POLQ: variants seen among roughly 807,000 people sequenced by gnomAD.
POLQ encodes the protein epididymis secretory sperm binding protein.
POLQ carries 233 observed loss-of-function variants against 259.2 expected under a neutral mutation model. That is an observed-to-expected ratio of 0.90 (90% CI 0.81 to 1.00). The LOEUF (loss-of-function observed/expected upper bound fraction) is 1.00. POLQ is among the 50% of genes least tolerant of loss of function. The pLI, the probability that POLQ is intolerant of heterozygous loss-of-function variation, is 0.00. For missense variants in POLQ, 2,871 were observed against 3,051.6 expected (o/e 0.94, Z 1.39); for synonymous variants, 1,025 against 1,048.8 (o/e 0.98, Z 0.44).
intron 15 of POLQ, among the ~76,000 whole-genome samples, chr3:121,491,765 T>C (rs774288358): frequency 2.6e-5 from 4 of 152,008 alleles, no homozygotes; most frequent in African/African-American, 4.8e-5. Context: ...AGATTCCAAG[T>C]GGCCAGTTAA....
chr3:121,444,072 T>C (rs2047614107), intron 26 of POLQ, among the ~76,000 whole-genome samples: 1 of 152,230 alleles, frequency 6.6e-6, no homozygotes, highest in East Asian at 1.9e-4. Flanking sequence ...ATTCTAGGTC[T>C]CTTGTGGTTC....
At chr3:121,532,116 T>C (rs1232241822) in intron 6 of POLQ, among the ~76,000 whole-genome samples, 1 of 152,194 alleles carries the variant, frequency 6.6e-6, no homozygotes, top group East Asian at 1.9e-4. Context: ...AGATAATTTT[T>C]AAAAATCATA....
Position 121,435,127 on chromosome 3 carries a change from G to A in POLQ, c.7543+995C>T, listed in dbSNP as rs530559143. ...TGCAGTGAGCTGAGATCGTGCCACTGCACTCCAGCCTGGGTGACAGAGTGA... is the reference window on the plus strand; with the variant it reads ...TGCAGTGAGCTGAGATCGTGCCACTACACTCCAGCCTGGGTGACAGAGTGA... On this transcript the variant is annotated intron_variant, in intron 28 of 29. Coordinates refer to ENST00000264233, the MANE Select transcript of POLQ (RefSeq NM_199420.4). Among the ~76,000 whole-genome samples the A allele has an allele frequency of 5.3e-5, 8 of 152,308 alleles. No individual in the cohort carries two copies. In the South Asian group the frequency reaches 6.2e-4, roughly 12 times the overall value.
At position 121,466,702 on chromosome 3, in the gene POLQ, A is replaced by G. The variant is rs1281633179; in HGVS notation, c.6967+817T>C. 2.0e-5 allele frequency among the ~76,000 whole-genome samples: 3 copies of G among 152,098 alleles called. No individual in the cohort carries two copies. The South Asian group carries it at 6.2e-4, about 32-fold the overall frequency. On this transcript the variant is annotated intron_variant, in intron 24 of 29. Transcript: ENST00000264233. ...GGAAACTCCATCTCGAAAAAAAAAA[A>G]AAAAATTACCATACACCACATAGAC...
chr3:121,498,223 T>A (rs1292739124), intron 13 of POLQ, among the ~76,000 whole-genome samples: 1 of 151,822 alleles, frequency 6.6e-6, no homozygotes, highest in Non-Finnish European at 1.5e-5. Flanking sequence ...GGCAGCAGAA[T>A]CGCTTGAACC....
intron 5 of POLQ, among the ~76,000 whole-genome samples, chr3:121,535,596 AT>A (rs1376509285): frequency 6.6e-6 from 1 of 151,638 alleles, no homozygotes; most frequent in African/African-American, 2.4e-5. Context: ...GGCGCCTATA[AT>A]CCCAGCTACT....
At chr3:121,498,447 A>T in intron 13 of POLQ, 30 bp downstream of exon 13, 1 of 1,544,118 alleles carries the variant, frequency 6.5e-7, no homozygotes, top group Non-Finnish European at 8.9e-7. Context: ...TGTGTTAAAT[A>T]CCGGAGAGCC....
chr3:121,443,088 C>A (rs1013468987), intron 26 of POLQ, among the ~76,000 whole-genome samples: 2 of 152,160 alleles, frequency 1.3e-5, no homozygotes, highest in East Asian at 3.9e-4. Flanking sequence ...AAACTCCTGA[C>A]CTTGTGATCC....
At chr3:121,470,358 T>C (rs1334027092) in intron 22 of POLQ, among the ~76,000 whole-genome samples, 2 of 152,180 alleles carry the variant, frequency 1.3e-5, no homozygotes, top group South Asian at 2.1e-4. Context: ...TTAGCATATG[T>C]TTCAAAGTGA....
At chr3:121,445,366 A>G (rs115636828) in intron 26 of POLQ, among the ~76,000 whole-genome samples, 5,495 of 152,144 alleles carry the variant, frequency 0.036, 148 homozygotes, top group Middle Eastern at 0.082. Flanking sequence ...GGCAGGTTGT[A>G]TGTGTCTAGA....
At position 121,490,348 on chromosome 3, in the gene POLQ, A is replaced by G; in HGVS notation, c.2583T>C (p.Thr861=). ...AACCTTTTCTGCCAGTCACCCAGATAGTTCGCATATTGCGACGTTCTTCAA... is the reference window on the plus strand; with the variant it reads ...AACCTTTTCTGCCAGTCACCCAGATGGTTCGCATATTGCGACGTTCTTCAA... ...EAVEERRNMR[T]IWVTGRKGLT... is the part of the protein sequence containing the mutation. The change falls in exon 16 of 30, where the codon ACT becomes ACC. Residue 861 remains threonine, a synonymous_variant. Coordinates refer to ENST00000264233, the MANE Select transcript of POLQ (RefSeq NM_199420.4). The G allele has an allele frequency of 6.2e-7, 1 of 1,614,248 alleles. No homozygotes were observed.
intron 26 of POLQ, among the ~76,000 whole-genome samples, chr3:121,443,361 G>A (rs762531547): frequency 6.6e-6 from 1 of 152,230 alleles, no homozygotes; most frequent in Non-Finnish European, 1.5e-5. Context: ...GATCAATGAT[G>A]TTGAGCACCT....
Position 121,541,361 on chromosome 3 carries a change from T to C in POLQ, c.462A>G (p.Lys154=). The change falls in exon 3 of 30, where the codon AAA becomes AAG. Residue 154 remains lysine (K), a synonymous_variant. Coordinates refer to ENST00000264233, the MANE Select transcript of POLQ (RefSeq NM_199420.4). ...TAAAAAACATTACCTGGAGGTAGTA[T>C]TTCTTCTCTTTAGCCACAGAAACAA... ...LPFVSVAKEK[K]YYLQSLFQEV... is the part of the protein sequence containing the mutation. The C allele has an allele frequency of 6.2e-7, 1 of 1,601,362 alleles. No homozygotes were observed. The highest frequency in any genetic ancestry group is 8.5e-7 in the Non-Finnish European group (1 of 1,175,406).
intron 25 of POLQ, among the ~76,000 whole-genome samples, chr3:121,456,842 C>G (rs1169281843): frequency 1.3e-5 from 2 of 152,228 alleles, no homozygotes; most frequent in Admixed American, 1.3e-4. Flanking sequence ...CCATCCCCAT[C>G]AAACTACCAA....
At chr3:121,515,717 A>G (rs1269742723) in intron 9 of POLQ, among the ~76,000 whole-genome samples, 1 of 152,208 alleles carries the variant, frequency 6.6e-6, no homozygotes, top group South Asian at 2.1e-4. Flanking sequence ...ATAAAAGCCA[A>G]AGAGGTAGCT....
chr3:121,436,253 G>A lies in POLQ; in HGVS notation c.7412C>T (p.Thr2471Ile). The A allele has an allele frequency of 6.2e-7, 1 of 1,613,834 alleles. No homozygotes were observed. Among genetic ancestry groups the A allele is most frequent in the Non-Finnish European group, 8.5e-7 (1 of 1,179,786 alleles). The change falls in exon 28 of 30, where the codon ACA (threonine) becomes ATA (isoleucine). Residue 2471 changes from threonine to isoleucine, a missense_variant. This residue lies in a region of POLQ where 2,080 missense variants were observed against 2,126.0 expected (regional missense o/e 0.98). Transcript: ENST00000264233. ...KAHAERQAIN[T>I]IVQGSAADIV... The stretch of plus-strand genomic sequence containing the variant: ...ATCAGCTGCTGATCCTTGGACTATT[G>A]TGTTGATAGCTTGACGCTCAGCCTA...
chr3:121,441,301 G>A (rs1005193468), intron 26 of POLQ, among the ~76,000 whole-genome samples: 2 of 151,778 alleles, frequency 1.3e-5, no homozygotes, highest in Non-Finnish European at 2.9e-5. Context: ...AAATACACTC[G>A]CTTTAAACAG....
At chr3:121,528,607 TGCTGGGA>T (rs1219940375) in intron 7 of POLQ, among the ~76,000 whole-genome samples, 1 of 152,028 alleles carries the variant, frequency 6.6e-6, no homozygotes, top group African/African-American at 2.4e-5. Context: ...CCTCCCAAAG[TGCTGGGA>T]TTACAGGCAT....
chr3:121,471,697 T>G (rs1277935609), intron 22 of POLQ, among the ~76,000 whole-genome samples: 1 of 152,026 alleles, frequency 6.6e-6, no homozygotes, highest in Non-Finnish European at 1.5e-5. Context: ...AGGTGGAGGT[T>G]GCAGGGAGCT....
Sources: allele counts gnomAD v4.1 joint callset (sites outside exome capture counted in the v4.1 genomes callset), GRCh38; gene constraint gnomAD v4.1.1; regional missense constraint gnomAD v4.1.1; transcripts MANE v1.5; gene names NCBI Gene and HGNC (gene_info 2026-07-23, HGNC 2026-07-21).